TACC1: variants seen among roughly 807,000 people sequenced by gnomAD.
The protein encoded by TACC1 is transforming acidic coiled-coil-containing protein 1.
In TACC1, 48 loss-of-function variants were observed where a neutral mutation model predicts 84.4. The ratio of observed to expected loss-of-function variants is 0.57; its 90% CI spans 0.45 to 0.72. The LOEUF (loss-of-function observed/expected upper bound fraction) is 0.72, where lower values mean the gene tolerates loss of function less well. TACC1 is among the 30% of genes least tolerant of loss of function. TACC1 has a pLI of 0.00. For synonymous variants in TACC1, 372 were observed against 376.3 expected (o/e 0.99, Z 0.13); for missense variants, 920 against 973.0 (o/e 0.95, Z 0.72).
intron 2 of TACC1, among the ~76,000 whole-genome samples, chr8:38,791,748 A>T (rs986731493): frequency 3.3e-5 from 5 of 152,224 alleles, no homozygotes; most frequent in African/African-American, 1.2e-4. Flanking sequence ...AGACTAAATC[A>T]TTCTGGAAGA....
chr8:38,780,878 G>A (rs1815813400), intron 3 of TACC1, among the ~76,000 whole-genome samples: 2 of 152,146 alleles, frequency 1.3e-5, no homozygotes, highest in Admixed American at 6.5e-5. Flanking sequence ...ACAGGATGCT[G>A]TGTATCATGT....
At chr8:38,823,564 C>G (rs767128592) in intron 3 of TACC1, among the ~76,000 whole-genome samples, 3 of 152,196 alleles carry the variant, frequency 2.0e-5, no homozygotes, top group African/African-American at 7.2e-5. Context: ...CACCGTCTCT[C>G]GAGTCCTGCC....
intron 6 of TACC1, among the ~76,000 whole-genome samples, chr8:38,832,222 G>A (rs916058402): frequency 1.3e-5 from 2 of 152,222 alleles, no homozygotes; most frequent in South Asian, 2.1e-4. Flanking sequence ...AAATGACAAC[G>A]TGAAAGATTT....
chr8:38,816,254 T>C (rs2152167980), intron 2 of TACC1, among the ~76,000 whole-genome samples: 1 of 152,346 alleles, frequency 6.6e-6, no homozygotes, highest in East Asian at 1.9e-4. Context: ...TGAGTTTAAA[T>C]CTTTTTGGTA....
At position 38,787,262 on chromosome 8, in the gene TACC1, G is replaced by C; in HGVS notation, c.-321G>C. On this transcript the variant is annotated 5_prime_UTR_variant, in exon 1 of 13. Transcript: ENST00000317827. ...AGTCCGCGAGCCGGGAGCGGGAGCA[G>C]CAGAGGTCTAGCAGCCGGGCGCCGC... The C allele has an allele frequency of 9.5e-7, 1 of 1,049,638 alleles. No homozygotes were observed. Among genetic ancestry groups the C allele is most frequent in the African/African-American group, 1.7e-5 (1 of 59,622 alleles). The allele number at this position is 1,049,638 out of a possible 1,614,324, so 65.0% of individuals were successfully genotyped here. A position where few individuals can be genotyped will look rare whatever the true frequency, so the allele number is the denominator to read the frequency against.
At chr8:38,762,705 C>T (rs1266217261) in intron 3 of TACC1, among the ~76,000 whole-genome samples, 2 of 152,168 alleles carry the variant, frequency 1.3e-5, no homozygotes, top group East Asian at 1.9e-4. Flanking sequence ...TACAGGCATG[C>T]GTCACCAGGC....
chr8:38,737,652 TAGA>T (rs1806222823), intron 1 of TACC1, among the ~76,000 whole-genome samples: 1 of 151,586 alleles, frequency 6.6e-6, no homozygotes, highest in African/African-American at 2.4e-5. Flanking sequence ...GGCATGGTGA[TAGA>T]AGAATATGCA....
intron 1 of TACC1, among the ~76,000 whole-genome samples, chr8:38,736,232 T>C (rs1011761564): frequency 6.6e-6 from 1 of 152,230 alleles, no homozygotes; most frequent in Non-Finnish European, 1.5e-5. Context: ...TCTCCCTCTC[T>C]CAGAAATCCT....
At chr8:38,757,160 A>C in intron 3 of TACC1, 9 of 814,828 alleles carry the variant, frequency 1.1e-5, no homozygotes, top group Non-Finnish European at 1.4e-5. Context: ...CGGCATCTGA[A>C]GCCACCTCCT....
At chr8:38,824,395 G>A (rs1827557617) in intron 3 of TACC1, among the ~76,000 whole-genome samples, 1 of 152,084 alleles carries the variant, frequency 6.6e-6, no homozygotes, top group South Asian at 2.1e-4. Flanking sequence ...AAAGCTACTG[G>A]CTTGGAACAG....
chr8:38,815,155 A>G (rs886806162), intron 2 of TACC1, among the ~76,000 whole-genome samples: 2 of 152,226 alleles, frequency 1.3e-5, no homozygotes, highest in Non-Finnish European at 2.9e-5. Flanking sequence ...AAAGATGTTA[A>G]AATACAACCT....
intron 6 of TACC1, among the ~76,000 whole-genome samples, 189 bp downstream of exon 6, chr8:38,831,366 A>G (rs1358475271): frequency 6.6e-6 from 1 of 152,234 alleles, no homozygotes; most frequent in East Asian, 1.9e-4. Context: ...GCTGTGGAGC[A>G]CTTGAACTGT....
intron 3 of TACC1, among the ~76,000 whole-genome samples, chr8:38,749,434 A>G (rs1808631056): frequency 6.6e-6 from 1 of 152,258 alleles, no homozygotes; most frequent in Non-Finnish European, 1.5e-5. Flanking sequence ...TTCTACAGCC[A>G]GATGAAGACA....
At chr8:38,759,370 T>A (rs999338922) in intron 3 of TACC1, among the ~76,000 whole-genome samples, 1 of 152,242 alleles carries the variant, frequency 6.6e-6, no homozygotes, top group African/African-American at 2.4e-5. Context: ...TTTTTGTAAA[T>A]GTGTGGCCAA....
At chr8:38,797,818 C>T (rs1399587257) in intron 2 of TACC1, among the ~76,000 whole-genome samples, 2 of 152,230 alleles carry the variant, frequency 1.3e-5, no homozygotes, top group African/African-American at 4.8e-5. Context: ...TCTTTCCCCC[C>T]TTGCTCTTCC....
rs375652380 is a variant in TACC1, at chr8:38,831,187, T to G, written c.1713+10T>G. 163 of 1,614,100 alleles carry G rather than the reference T, an allele frequency of 1.0e-4. 1 individual carries two copies. Among genetic ancestry groups the G allele is most frequent in the Middle Eastern group, 9.9e-4 (6 of 6,062 alleles). On this transcript the variant is annotated intron_variant, in intron 6 of 12. Coordinates refer to ENST00000317827, the MANE Select transcript of TACC1 (RefSeq NM_006283.3). ...CGGGTCCACTGTGCTTGTAAGTTCCTGAATGTGGAGGGCCGGGTGGACTCA... is the reference window on the plus strand; with the variant it reads ...CGGGTCCACTGTGCTTGTAAGTTCCGGAATGTGGAGGGCCGGGTGGACTCA...
intron 3 of TACC1, among the ~76,000 whole-genome samples, chr8:38,757,083 C>G: frequency 6.6e-6 from 1 of 152,214 alleles, no homozygotes; most frequent in Non-Finnish European, 1.5e-5. Context: ...CAGCCCCGCA[C>G]GCCCCAGGGG....
rs555942567 is a variant in TACC1 at position 38,741,497 on chromosome 8, T to C, written c.-674-854T>C. On this transcript the variant is annotated intron_variant, in intron 1 of 14. Transcript: ENST00000518415. ...TTACACAGTGAACCATGAATACTGATTTTAATTCCAAAGGCTCACAAATTA... is the reference window on the plus strand; with the variant it reads ...TTACACAGTGAACCATGAATACTGACTTTAATTCCAAAGGCTCACAAATTA... 5.9e-5 allele frequency among the ~76,000 whole-genome samples: 9 copies of C among 152,302 alleles called. No homozygotes were observed. The South Asian group carries it at 1.9e-3, about 32-fold the overall frequency.
intron 9 of TACC1, 36 bp from the exon 10 acceptor site, chr8:38,842,251 A>G (rs1219496616): frequency 6.3e-7 from 1 of 1,594,184 alleles, no homozygotes; most frequent in East Asian, 2.2e-5. Flanking sequence ...TATTTTTTGA[A>G]TAAATATGTC....
Sources: gnomAD v4.1 joint callset for allele counts (sites outside exome capture counted in the v4.1 genomes callset) on GRCh38, gnomAD v4.1.1 for gene constraint, MANE v1.5 for transcripts, NCBI Gene and HGNC (gene_info 2026-07-23, HGNC 2026-07-21) for gene names.